Variants in TNKS observed in about 807,000 individuals in gnomAD.
TNKS encodes tankyrase.
In TNKS, 72 loss-of-function variants were observed where a neutral mutation model predicts 135.8. The ratio of observed to expected loss-of-function variants is 0.53; its 90% confidence interval spans 0.44 to 0.64. TNKS has a LOEUF of 0.64. TNKS is among the 30% of genes least tolerant of loss of function. The probability of loss-of-function intolerance (pLI) is 0.00; values close to 1 mark genes in which losing one functional copy is unlikely to be tolerated. For missense variants in TNKS, 1,769 were observed against 1,674.0 expected, an observed-to-expected ratio of 1.06 and a Z score of -0.99; for synonymous variants, 849 against 649.3, an observed-to-expected ratio of 1.31 and a Z score of -4.68.
At chr8:9,613,730 A>G (rs987940896) in intron 2 of TNKS, among the ~76,000 whole-genome samples, 7 of 152,350 alleles carry the variant, frequency 4.6e-5, no homozygotes, top group African/African-American at 1.7e-4. Flanking sequence ...ACAAAACTAC[A>G]ACTAAACTGT....
At chr8:9,563,947 G>A (rs1231785449) in intron 1 of TNKS, among the ~76,000 whole-genome samples, 1 of 152,092 alleles carries the variant, frequency 6.6e-6, no homozygotes, top group Non-Finnish European at 1.5e-5. Flanking sequence ...GATAGTTAAG[G>A]TAATCCCCCC....
intron 3 of TNKS, among the ~76,000 whole-genome samples, chr8:9,650,900 G>A (rs895231038): frequency 2.0e-5 from 3 of 152,156 alleles, no homozygotes; most frequent in East Asian, 1.9e-4. Context: ...CTAAGCTAAT[G>A]TCTAGAAGAG....
In TNKS at chr8:9,623,286, A is replaced by G. The variant is rs992832106; in HGVS notation, c.994+7609A>G. 2.0e-5 allele frequency among the ~76,000 whole-genome samples: 3 copies of G among 152,216 alleles called. No individual in the cohort carries two copies. The East Asian group carries it at 5.8e-4, about 29-fold the overall frequency. ...ATGTAGTATTTAAGGTGTTTGATCT[A>G]TTGATAGGTAAGAGGTAGATCAAAT... is the stretch of plus-strand genomic sequence containing the variant. On this transcript the variant is annotated intron_variant, in intron 3 of 26. Transcript: ENST00000310430.
chr8:9,708,490 C>G lies in TNKS; in HGVS notation c.1576C>G (p.Leu526Val), dbSNP rs375713264. 1 of 1,593,820 alleles carries G rather than the reference C, an allele frequency of 6.3e-7. No individual in the cohort carries two copies. Among genetic ancestry groups the G allele is most frequent in the Non-Finnish European group, 8.5e-7 (1 of 1,171,146 alleles). ...ACAACCGCAGTCTCATGAAACAGCA[C>G]TGGTAAGATTTTATTGTTAATCTAT... ...FKQPQSHETA[L>V]HCAVASLHPK... The change falls in exon 9 of 27, where the codon CTG becomes GTG. Residue 526 changes from leucine (L) to valine (V), a missense_variant and splice_region_variant. Physicochemically the swap from Leu to Val is conservative, Grantham distance 32. Around this residue, in one of 5 missense-constraint regions of TNKS, gnomAD observed 523 missense variants for 541.0 expected, o/e 0.97. Transcript: ENST00000310430.
At chr8:9,650,296 C>G (rs1207711441) in intron 3 of TNKS, among the ~76,000 whole-genome samples, 1 of 152,118 alleles carries the variant, frequency 6.6e-6, no homozygotes, top group African/African-American at 2.4e-5. Context: ...GTGCAAGTAT[C>G]TTTTTCGTAT....
chr8:9,557,535 A>T (rs1380419517), intron 1 of TNKS: 1 of 152,152 alleles, frequency 6.6e-6, no homozygotes, highest in African/African-American at 2.4e-5. Flanking sequence ...TTGATATTTT[A>T]AAAATGTAGG....
At chr8:9,708,997 T>C (rs1804189411) in intron 9 of TNKS, among the ~76,000 whole-genome samples, 1 of 152,136 alleles carries the variant, frequency 6.6e-6, no homozygotes, top group South Asian at 2.1e-4. Flanking sequence ...CACGTTTTTT[T>C]CTTCAAATGC....
chr8:9,781,791 CTT>C lies in TNKS; in HGVS notation c.*5057_*5058del, dbSNP rs1808468676. 1 of 152,602 alleles carries C rather than the reference CTT, an allele frequency of 6.6e-6. No homozygotes were observed. The highest frequency in any genetic ancestry group is 2.1e-4 in the South Asian group (1 of 4,830). The allele number at this position is 152,602 out of a possible 1,614,324, so 9.5% of individuals were successfully genotyped here. The stretch of plus-strand genomic sequence containing the variant: ...TGTGTGAGCAACCAGTGTAGTGACT[CTT>C]TGGTTCATTATTCGTGTTGTTTTTA... On this transcript the variant is annotated 3_prime_UTR_variant, in exon 27 of 27. Transcript: ENST00000310430.
intron 3 of TNKS, among the ~76,000 whole-genome samples, chr8:9,656,254 T>C (rs34625531): frequency 6.6e-6 from 1 of 152,146 alleles, no homozygotes; most frequent in East Asian, 1.9e-4. Context: ...AGACCAAATC[T>C]ACGTCCTGAT....
intron 12 of TNKS, among the ~76,000 whole-genome samples, chr8:9,724,680 G>A (rs1450477700): frequency 6.6e-6 from 1 of 152,158 alleles, no homozygotes; most frequent in Non-Finnish European, 1.5e-5. Context: ...TTCAAGATAT[G>A]TAATAGGTGC....
chr8:9,679,829 C>G (rs1025608722), intron 3 of TNKS, 122 bp from the exon 4 acceptor site: 2 of 753,626 alleles, frequency 2.7e-6, no homozygotes, highest in Admixed American at 2.2e-5. Context: ...GCTCCATCAC[C>G]CAGCGGGGTG....
chr8:9,584,907 C>G (rs1041300900), intron 2 of TNKS, among the ~76,000 whole-genome samples: 1 of 152,156 alleles, frequency 6.6e-6, no homozygotes, highest in Non-Finnish European at 1.5e-5. Context: ...GGTGTTCCAA[C>G]GCATGTGGGA....
intron 2 of TNKS, among the ~76,000 whole-genome samples, chr8:9,607,988 G>A (rs1400211113): frequency 7.9e-6 from 1 of 127,132 alleles, no homozygotes; most frequent in African/African-American, 3.0e-5. Flanking sequence ...CATTCAAGTT[G>A]GAGTGCAGTG....
intron 24 of TNKS, 23 bp downstream of exon 24, chr8:9,765,820 T>C: frequency 6.3e-7 from 1 of 1,599,422 alleles, no homozygotes; most frequent in Non-Finnish European, 8.6e-7. Flanking sequence ...GCAGGGACGG[T>C]GGACGTCTCC....
chr8:9,631,633 T>G (rs1218981877), intron 3 of TNKS, among the ~76,000 whole-genome samples: 1 of 152,184 alleles, frequency 6.6e-6, no homozygotes, highest in African/African-American at 2.4e-5. Flanking sequence ...CTACAGAATT[T>G]TAAGTTTTAT....
At chr8:9,771,300 GAGGA>G (rs1445468274) in intron 26 of TNKS, among the ~76,000 whole-genome samples, 16 of 130,488 alleles carry the variant, frequency 1.2e-4, no homozygotes, top group African/African-American at 3.8e-4. Flanking sequence ...AGGGAGGAGA[GAGGA>G]AGGAAGGAAG....
chr8:9,690,067 A>T (rs1220505415), intron 5 of TNKS, among the ~76,000 whole-genome samples: 1 of 152,188 alleles, frequency 6.6e-6, no homozygotes, highest in Non-Finnish European at 1.5e-5. Context: ...CAGACCAAGA[A>T]ACCTTTGATT....
At chr8:9,694,941 C>A (rs1032559344) in intron 5 of TNKS, among the ~76,000 whole-genome samples, 1 of 152,210 alleles carries the variant, frequency 6.6e-6, no homozygotes, top group East Asian at 1.9e-4. Context: ...AGATGCTAGG[C>A]TATTCTGTCT....
At chr8:9,768,486 T>C (rs1206979648) in intron 25 of TNKS, among the ~76,000 whole-genome samples, 4 of 152,240 alleles carry the variant, frequency 2.6e-5, no homozygotes, top group Non-Finnish European at 5.9e-5. Context: ...TTGGTAACCC[T>C]ACCATTTAGG....
Sources: gnomAD v4.1 joint callset for allele counts (sites outside exome capture counted in the v4.1 genomes callset) on GRCh38, gnomAD v4.1.1 for gene constraint, gnomAD v4.1.1 regional missense constraint, MANE v1.5 for transcripts, NCBI Gene and HGNC (gene_info 2026-07-23, HGNC 2026-07-21) for gene names.